PAWR: variants seen among roughly 807,000 people sequenced by gnomAD.
PAWR encodes PRKC apoptosis WT1 regulator protein.
Under a neutral mutation model 32.0 loss-of-function variants are expected in PAWR, and 23 were observed. That is an observed-to-expected ratio of 0.72 (90% CI 0.52 to 1.02). The LOEUF is 1.02. Ranked by LOEUF, PAWR falls within the 50% of genes least tolerant of loss-of-function variation. The pLI is 0.00. For missense variants in PAWR, 457 were observed against 437.7 expected (o/e 1.04, Z -0.39); for synonymous variants, 226 against 187.1 (o/e 1.21, Z -1.70).
intron 2 of PAWR, among the ~76,000 whole-genome samples, chr12:79,631,249 G>A (rs2136743580): frequency 6.6e-6 from 1 of 152,218 alleles, no homozygotes; most frequent in African/African-American, 2.4e-5. Context: ...CAAGAATCAG[G>A]TAAGATGCTT....
chr12:79,620,559 TC>T (rs1874954200), intron 3 of PAWR, among the ~76,000 whole-genome samples: 2 of 151,840 alleles, frequency 1.3e-5, no homozygotes, highest in Non-Finnish European at 2.9e-5. Flanking sequence ...AGAAAGGGAG[TC>T]CCATAAAGGG....
intron 2 of PAWR, among the ~76,000 whole-genome samples, chr12:79,633,755 T>C (rs1875828145): frequency 6.6e-6 from 1 of 152,184 alleles, no homozygotes; most frequent in African/African-American, 2.4e-5. Context: ...ACTTTAAAAA[T>C]TATTTAAGAA....
At chr12:79,647,899 A>AG (rs1287954607) in intron 2 of PAWR, among the ~76,000 whole-genome samples, 2 of 152,176 alleles carry the variant, frequency 1.3e-5, no homozygotes, top group African/African-American at 4.8e-5. Flanking sequence ...AGACAGGGGC[A>AG]GGGGGATGGT....
chr12:79,667,642 T>C (rs1877675429), intron 2 of PAWR, among the ~76,000 whole-genome samples: 1 of 152,202 alleles, frequency 6.6e-6, no homozygotes, highest in African/African-American at 2.4e-5. Context: ...TGGGCACTGA[T>C]TGGACATTTG....
chr12:79,627,388 C>G (rs1352135918), intron 2 of PAWR, among the ~76,000 whole-genome samples: 5 of 152,146 alleles, frequency 3.3e-5, no homozygotes, highest in Non-Finnish European at 7.3e-5. Flanking sequence ...TAAATGTCCT[C>G]TTTTGAGAAG....
At chr12:79,633,056 C>T (rs915177338) in intron 2 of PAWR, among the ~76,000 whole-genome samples, 1 of 151,920 alleles carries the variant, frequency 6.6e-6, no homozygotes, top group Non-Finnish European at 1.5e-5. Context: ...ATCCGAGAGG[C>T]GGAGGTTGCA....
In PAWR at chr12:79,592,232, C is replaced by T. The variant is rs1027214182; in HGVS notation, c.*375G>A. ...TAATAGGACATGTGAAGGTAACATC[C>T]CAAAAGTATTTGAACTCATGTAAAC... On this transcript the variant is annotated 3_prime_UTR_variant, in exon 7 of 7. Transcript: ENST00000328827. 5 of 188,836 alleles carry T rather than the reference C, an allele frequency of 2.6e-5. No individual in the cohort carries two copies. The highest frequency in any genetic ancestry group is 1.2e-4 in the African/African-American group (5 of 41,630). The allele number at this position is 188,836 out of a possible 1,614,324, so 11.7% of individuals were successfully genotyped here.
chr12:79,632,312 C>CATATATAT lies in PAWR; in HGVS notation c.517-11113_517-11106dup, dbSNP rs71091677. 6.9e-4 allele frequency: 8 copies of CATATATAT among 11,600 alleles called. 1 individual carries two copies. The East Asian group carries it at 0.013, about 19-fold the overall frequency. 0.7% of individuals were successfully genotyped at this position (11,600 alleles called of 1,614,324 possible). A position where few individuals can be genotyped will look rare whatever the true frequency, so the allele number is the denominator to read the frequency against. Reference sequence around the variant, plus strand: ...AAATATATACATATATATATACATACATATATATATATATATATATATATA... The same window carrying CATATATAT: ...AAATATATACATATATATATACATACATATATATATATATATATATATATATATATATA... On this transcript the variant is annotated intron_variant, in intron 2 of 6. Coordinates refer to ENST00000328827, the MANE Select transcript of PAWR (RefSeq NM_002583.4).
In PAWR at chr12:79,634,304, AT is replaced by A. The variant is rs1231225988; in HGVS notation, c.517-13098del. ...TCTTGGTTTTTTCTTTTTTAAAAAA[AT>A]AATCTTCTGTAAAGTGGGTGTTAGA... On this transcript the variant is annotated intron_variant, in intron 2 of 6. Coordinates refer to ENST00000328827, the MANE Select transcript of PAWR (RefSeq NM_002583.4). Among the ~76,000 whole-genome samples, 3 of 152,284 alleles carry A rather than the reference AT, an allele frequency of 2.0e-5. No homozygotes were observed. In the East Asian group the frequency reaches 5.8e-4, roughly 29 times the overall value.
At chr12:79,650,053 C>T (rs1371115778) in intron 2 of PAWR, among the ~76,000 whole-genome samples, 2 of 152,116 alleles carry the variant, frequency 1.3e-5, no homozygotes, top group East Asian at 1.9e-4. Flanking sequence ...TAGGAGGTGG[C>T]GCTCAGGCCG....
At chr12:79,604,055 T>C (rs1874071397) in intron 4 of PAWR, 1 of 159,088 alleles carries the variant, frequency 6.3e-6, no homozygotes, top group Non-Finnish European at 1.3e-5. Context: ...TAGGGAATAC[T>C]GTCATAATTG....
At chr12:79,626,034 C>G (rs1228789467) in intron 2 of PAWR, among the ~76,000 whole-genome samples, 3 of 131,312 alleles carry the variant, frequency 2.3e-5, no homozygotes, top group South Asian at 2.7e-4. Context: ...CGTGGTGGCA[C>G]GCGCCTGTAG....
chr12:79,648,062 G>A lies in PAWR; in HGVS notation c.517-26855C>T, dbSNP rs559761394. On this transcript the variant is annotated intron_variant, in intron 2 of 6. Transcript: ENST00000328827. ...TGATCTGACAGGAGGCAGAGCTCAG[G>A]CAGTAATGTTAACTTGCTTGCCAGC... 4.1e-4 allele frequency among the ~76,000 whole-genome samples: 63 copies of A among 152,302 alleles called. 1 individual carries two copies. Among genetic ancestry groups the A allele is most frequent in the Non-Finnish European group, 7.9e-4 (54 of 68,026 alleles).
chr12:79,587,504 G>C lies in PAWR; in HGVS notation c.*5103C>G, dbSNP rs187442476. 5 of 152,110 alleles carry C rather than the reference G, an allele frequency of 3.3e-5. No homozygotes were observed. Among genetic ancestry groups the C allele is most frequent in the Non-Finnish European group, 4.4e-5 (3 of 67,874 alleles). 9.4% of individuals were successfully genotyped at this position (152,110 alleles called of 1,614,324 possible). A position where few individuals can be genotyped will look rare whatever the true frequency, so the allele number is the denominator to read the frequency against. On this transcript the variant is annotated 3_prime_UTR_variant, in exon 7 of 7. Transcript: ENST00000328827. ...GATTTTGAATCAAGAAATTATTCAT[G>C]TAGTTTTAAAACACAATTAAAATTT...
intron 2 of PAWR, among the ~76,000 whole-genome samples, chr12:79,676,376 T>G (rs1009048595): frequency 6.6e-5 from 10 of 152,176 alleles, no homozygotes; most frequent in Non-Finnish European, 1.0e-4. Flanking sequence ...AATTATCATG[T>G]GACTCAAGAT....
At chr12:79,632,353 ATATATATATTTT>A (rs1875739002) in intron 2 of PAWR, among the ~76,000 whole-genome samples, 7 of 19,596 alleles carry the variant, frequency 3.6e-4, no homozygotes, top group South Asian at 3.4e-3. Context: ...ATATATATAT[ATATATATATTTT>A]TTTTTTTTTT....
At chr12:79,685,932 A>C (rs1183889222) in intron 2 of PAWR, among the ~76,000 whole-genome samples, 1 of 152,184 alleles carries the variant, frequency 6.6e-6, no homozygotes, top group Non-Finnish European at 1.5e-5. Flanking sequence ...TCTATCAGTT[A>C]CTTTCTATGT....
Position 79,596,524 on chromosome 12 carries a change from T to C in PAWR, c.818A>G (p.Glu273Gly), listed in dbSNP as rs1873757439. Residue 273 changes from glutamate to glycine, a missense_variant, in exon 5 of 7, where the codon GAA becomes GGA. Transcript: ENST00000328827. ...TATAATCCATACCTTTTCAAGATCT[T>C]CAATTTTCTTTTCCAGTGTGCTACT... The part of the protein sequence containing the change: ...VSSSTLEKKI[E>G]DLEKEVVRER... 1.3e-6 allele frequency: 2 copies of C among 1,557,328 alleles called. No homozygotes were observed. The highest frequency in any genetic ancestry group is 1.8e-6 in the Non-Finnish European group (2 of 1,140,866).
chr12:79,610,558 C>T (rs752794113), intron 4 of PAWR, among the ~76,000 whole-genome samples: 14 of 151,978 alleles, frequency 9.2e-5, no homozygotes, highest in Non-Finnish European at 1.3e-4. Context: ...GCAGAAATCA[C>T]TCAGTTGATA....
Sources: gnomAD v4.1 joint callset for allele counts (sites outside exome capture counted in the v4.1 genomes callset) on GRCh38, gnomAD v4.1.1 for gene constraint, MANE v1.5 for transcripts, NCBI Gene and HGNC (gene_info 2026-07-23, HGNC 2026-07-21) for gene names.